The following SYT16 variants were observed in gnomAD, a reference collection of about 807,000 sequenced individuals.
The protein encoded by SYT16 is synaptotagmin 16, also known as synaptotagmin-16.
Under a neutral mutation model 61.4 loss-of-function variants are expected in SYT16, and 42 were observed. The ratio of observed to expected loss-of-function variants is 0.68; its 90% CI spans 0.53 to 0.89. The LOEUF is 0.89. SYT16 is among the 40% of genes least tolerant of loss of function. The pLI is 0.00. For missense variants in SYT16, 804 were observed against 807.3 expected, an observed-to-expected ratio of 1.00 and a Z score of 0.05; for synonymous variants, 314 against 302.3, an observed-to-expected ratio of 1.04 and a Z score of -0.40.
chr14:62,089,242 C>T (rs980557792), intron 7 of SYT16, among the ~76,000 whole-genome samples: 1 of 151,500 alleles, frequency 6.6e-6, no homozygotes, highest in African/African-American at 2.4e-5. Flanking sequence ...TTGCTGGAAC[C>T]TGGGAGGTTG....
chr14:61,939,863 A>G (rs914095626), intron 1 of SYT16, among the ~76,000 whole-genome samples: 4 of 152,164 alleles, frequency 2.6e-5, no homozygotes, highest in African/African-American at 4.8e-5. Flanking sequence ...AGTCCTATCT[A>G]TGGTGATAAA....
At chr14:62,028,931 A>T (rs1230836295) in intron 3 of SYT16, among the ~76,000 whole-genome samples, 3 of 152,218 alleles carry the variant, frequency 2.0e-5, no homozygotes, top group African/African-American at 7.2e-5. Context: ...GGAATTTATC[A>T]GGTGAAATCA....
chr14:61,916,196 A>G (rs1332745476), intron 1 of SYT16, among the ~76,000 whole-genome samples: 2 of 152,122 alleles, frequency 1.3e-5, no homozygotes, highest in Admixed American at 1.3e-4. Flanking sequence ...TTTAGCTTTG[A>G]GCAGATTTTC....
At chr14:61,907,842 C>T (rs530960806) in intron 1 of SYT16, among the ~76,000 whole-genome samples, 4 of 152,326 alleles carry the variant, frequency 2.6e-5, no homozygotes, top group Non-Finnish European at 4.4e-5. Context: ...AGTATCCTTT[C>T]TCCATAATTT....
At chr14:61,940,580 T>C (rs2050168963) in intron 1 of SYT16, among the ~76,000 whole-genome samples, 1 of 152,214 alleles carries the variant, frequency 6.6e-6, no homozygotes, top group Non-Finnish European at 1.5e-5. Context: ...TAAGTGATAA[T>C]AATAATAATT....
At chr14:62,073,200 T>C (rs2140950946) in intron 4 of SYT16, among the ~76,000 whole-genome samples, 1 of 152,324 alleles carries the variant, frequency 6.6e-6, no homozygotes, top group South Asian at 2.1e-4. Flanking sequence ...CAAGGCTTAA[T>C]GTAGCTTTTG....
chr14:61,826,453 T>G (rs952804637), intron 1 of SYT16, among the ~76,000 whole-genome samples: 2 of 152,036 alleles, frequency 1.3e-5, no homozygotes, highest in East Asian at 3.9e-4. Context: ...AGTAATTTTC[T>G]TTACAGATGA....
At chr14:61,931,316 C>T (rs2049756230) in intron 1 of SYT16, among the ~76,000 whole-genome samples, 1 of 152,148 alleles carries the variant, frequency 6.6e-6, no homozygotes, top group East Asian at 1.9e-4. Flanking sequence ...TTTGCATATA[C>T]TTTTCTAGGG....
intron 1 of SYT16, among the ~76,000 whole-genome samples, chr14:61,925,784 G>A (rs532351239): frequency 6.6e-6 from 1 of 152,182 alleles, no homozygotes; most frequent in African/African-American, 2.4e-5. Context: ...TTGAAGGTGA[G>A]AGAGAATTCC....
intron 1 of SYT16, among the ~76,000 whole-genome samples, chr14:61,919,749 T>A (rs2049255881): frequency 6.3e-4 from 1 of 1,600 alleles, no homozygotes; most frequent in Non-Finnish European, 1.5e-3. Flanking sequence ...CCCTTTGCCA[T>A]GTAACCTCTC....
chr14:61,908,867 G>C (rs189183642), intron 1 of SYT16, among the ~76,000 whole-genome samples: 63 of 152,202 alleles, frequency 4.1e-4, no homozygotes, highest in Admixed American at 1.8e-3. Flanking sequence ...CTGTCACCCA[G>C]GCTGGAGTGC....
At position 61,970,140 on chromosome 14, in the gene SYT16, G is replaced by A. The variant is rs563001633; in HGVS notation, c.-316G>A. On this transcript the variant is annotated 5_prime_UTR_variant, in exon 2 of 8. Transcript: ENST00000683842. ...TTGTGTTCTCTCACCAGTCACTCCT[G>A]AAGCCATTGGCTTCTTGTCTGCTGT... 6.6e-6 allele frequency: 1 copy of A among 152,306 alleles called. No homozygotes were observed. The highest frequency in any genetic ancestry group is 2.1e-4 in the South Asian group (1 of 4,826). 9.4% of individuals were successfully genotyped at this position (152,306 alleles called of 1,614,324 possible).
At chr14:61,986,278 G>A (rs898932657) in intron 2 of SYT16, among the ~76,000 whole-genome samples, 12 of 151,860 alleles carry the variant, frequency 7.9e-5, no homozygotes, top group African/African-American at 2.4e-4. Context: ...AAGCTTTAGC[G>A]TAGCTCCTAT....
chr14:62,072,563 G>A (rs1330353362), intron 4 of SYT16, among the ~76,000 whole-genome samples: 1 of 152,132 alleles, frequency 6.6e-6, no homozygotes, highest in African/African-American at 2.4e-5. Flanking sequence ...CTTCTCCCGG[G>A]AACTTCAGTT....
chr14:61,968,552 A>G (rs889155240), intron 1 of SYT16, among the ~76,000 whole-genome samples: 1 of 152,176 alleles, frequency 6.6e-6, no homozygotes, highest in African/African-American at 2.4e-5. Context: ...CTGCTCCTAG[A>G]TATTTTAGTA....
intron 1 of SYT16, among the ~76,000 whole-genome samples, chr14:61,847,262 G>A (rs376250148): frequency 2.6e-5 from 4 of 152,020 alleles, no homozygotes; most frequent in African/African-American, 9.7e-5. Flanking sequence ...TTCAGCTTTC[G>A]TTTGTCTGGG....
chr14:62,061,845 C>A (rs533548222), intron 3 of SYT16, among the ~76,000 whole-genome samples: 33 of 152,132 alleles, frequency 2.2e-4, no homozygotes, highest in African/African-American at 7.9e-4. Context: ...TGAAAAAAAA[C>A]AGCAAGTATA....
At chr14:61,967,619 C>T (rs1416819125) in intron 1 of SYT16, among the ~76,000 whole-genome samples, 1 of 152,074 alleles carries the variant, frequency 6.6e-6, no homozygotes, top group Non-Finnish European at 1.5e-5. Context: ...TCCATGCCTT[C>T]TTTTTTTGCT....
In SYT16 at chr14:62,104,018, G is replaced by T. The variant is rs2057468917; in HGVS notation, c.*3311G>T. ...ACAAATTATTGTTACCTCTTGTGCAGTTACTGTGCTTTAGATGACCTTATC... is the reference window on the plus strand; with the variant it reads ...ACAAATTATTGTTACCTCTTGTGCATTTACTGTGCTTTAGATGACCTTATC... On this transcript the variant is annotated 3_prime_UTR_variant, in exon 8 of 8. Coordinates refer to ENST00000683842, the MANE Select transcript of SYT16 (RefSeq NM_001367656.1). 1 of 152,172 alleles carries T rather than the reference G, an allele frequency of 6.6e-6. No individual in the cohort carries two copies. Among genetic ancestry groups the T allele is most frequent in the Non-Finnish European group, 1.5e-5 (1 of 68,022 alleles). 9.4% of individuals were successfully genotyped at this position (152,172 alleles called of 1,614,324 possible).
Sources: allele counts gnomAD v4.1 joint callset (sites outside exome capture counted in the v4.1 genomes callset), GRCh38; gene constraint gnomAD v4.1.1; transcripts MANE v1.5; gene names NCBI Gene and HGNC (gene_info 2026-07-23, HGNC 2026-07-21).